LTBP2: variants seen among roughly 807,000 people sequenced by gnomAD.
The protein encoded by LTBP2 is latent-transforming growth factor beta-binding protein 2.
In LTBP2, 103 loss-of-function variants were observed where a neutral mutation model predicts 210.6. The ratio of observed to expected loss-of-function variants is 0.49; its 90% CI spans 0.42 to 0.58. The LOEUF (loss-of-function observed/expected upper bound fraction) is 0.58. LTBP2 is among the 20% of genes least tolerant of loss of function. The pLI is 0.00. For missense variants in LTBP2, 2,313 were observed against 2,494.5 expected, an observed-to-expected ratio of 0.93 and a Z score of 1.55; for synonymous variants, 1,007 against 1,015.0, an observed-to-expected ratio of 0.99 and a Z score of 0.15.
chr14:74,511,423 T>C, intron 18 of LTBP2, 59 bp from the exon 19 acceptor site: 1 of 1,608,150 alleles, frequency 6.2e-7, no homozygotes, highest in Non-Finnish European at 8.5e-7. Flanking sequence ...TGGGTAGGTC[T>C]GTGACACAGC....
chr14:74,525,146 C>A lies in LTBP2; in HGVS notation c.2508G>T (p.Val836=), dbSNP rs1160016147. Residue 836 remains valine (V), a synonymous_variant, in exon 15 of 36, where the codon GTG becomes GTT. Coordinates refer to ENST00000261978, the MANE Select transcript of LTBP2 (RefSeq NM_000428.3). ...QEEQVTPSTD[V]LVTLSTPGID... ...TACCTGGGGTGCTCAGGGTCACCAG[C>A]ACATCAGTGGAGGGGGTCACTTGTT... The A allele has an allele frequency of 7.5e-7, 1 of 1,333,064 alleles. No individual in the cohort carries two copies. The highest frequency in any genetic ancestry group is 9.7e-7 in the Non-Finnish European group (1 of 1,032,526). 82.6% of individuals were successfully genotyped at this position (1,333,064 alleles called of 1,614,324 possible).
intron 2 of LTBP2, among the ~76,000 whole-genome samples, chr14:74,592,577 AG>A (rs1281380028): frequency 6.6e-6 from 1 of 152,010 alleles, no homozygotes; most frequent in Non-Finnish European, 1.5e-5. Context: ...GCACACCTCT[AG>A]TCTTAGCTAC....
intron 28 of LTBP2, among the ~76,000 whole-genome samples, chr14:74,505,696 C>T (rs372738761): frequency 9.9e-5 from 15 of 152,224 alleles, no homozygotes; most frequent in Admixed American, 3.9e-4. Context: ...AGGGAGAGCC[C>T]GGTTTAGTTC....
chr14:74,611,513 G>A lies in LTBP2; in HGVS notation c.432C>T (p.Arg144=). The A allele has an allele frequency of 2.0e-6, 3 of 1,535,416 alleles. No homozygotes were observed. Among genetic ancestry groups the A allele is most frequent in the Non-Finnish European group, 2.6e-6 (3 of 1,151,104 alleles). ...CCCCAGACCGCTGTGGGGTCCCCAG[G>A]CGTGGGAGAGCCGGCGCGGCCCGGG... is the stretch of plus-strand genomic sequence containing the variant. The part of the protein sequence containing the change: ...PRTRAAPALP[R]LGTPQRSGAA... Residue 144 remains arginine (R), a synonymous_variant, in exon 1 of 36, where the codon CGC becomes CGT. Transcript: ENST00000261978.
intron 30 of LTBP2, 140 bp from the exon 31 acceptor site, chr14:74,504,194 G>T: frequency 2.0e-6 from 2 of 990,358 alleles, no homozygotes; most frequent in Non-Finnish European, 3.1e-6. Context: ...GCTTAAGTTC[G>T]CCTTGCCTCC....
Position 74,611,968 on chromosome 14 carries a change from TGC to T in LTBP2, c.-26_-25del. On this transcript the variant is annotated 5_prime_UTR_variant, in exon 1 of 36. Transcript: ENST00000261978. ...ATGGCGCGGGGCGGCTGGAGAGTGG[TGC>T]GCGCGGGCACCGCGAAGAGCTTTGT... The T allele has an allele frequency of 6.5e-7, 1 of 1,541,988 alleles. No homozygotes were observed. Among genetic ancestry groups the T allele is most frequent in the Non-Finnish European group, 8.7e-7 (1 of 1,152,176 alleles).
chr14:74,509,074 C>T (rs1271061689), intron 22 of LTBP2, 122 bp from the exon 23 acceptor site: 1 of 1,568,484 alleles, frequency 6.4e-7, no homozygotes, highest in East Asian at 2.2e-5. Context: ...GGGGGATCAT[C>T]CCCTCATGAG....
intron 18 of LTBP2, among the ~76,000 whole-genome samples, chr14:74,514,796 AAAG>A (rs1377463196): frequency 1.3e-5 from 2 of 152,140 alleles, no homozygotes; most frequent in Non-Finnish European, 2.9e-5. Context: ...TGAGTTGGAG[AAAG>A]AAGAAAGAGG....
At chr14:74,604,040 A>G (rs904265881) in intron 1 of LTBP2, among the ~76,000 whole-genome samples, 1 of 152,048 alleles carries the variant, frequency 6.6e-6, no homozygotes, top group Non-Finnish European at 1.5e-5. Context: ...TCCTAAAGCT[A>G]ATAAGCCACT....
Position 74,516,920 on chromosome 14 carries a change from G to A in LTBP2, c.2810C>T (p.Pro937Leu), listed in dbSNP as rs1413002474. 3 of 1,551,870 alleles carry A rather than the reference G, an allele frequency of 1.9e-6. No homozygotes were observed. Reference protein sequence around the residue: ...ECQDINECEQPGVCSGGQCTN... With the variant: ...ECQDINECEQLGVCSGGQCTN... Reference sequence around the variant, plus strand: ...GCACTGCCCCCCGCTGCACACCCCTGGCTGCTCACACTCATTGATATCTGT... The same window carrying A: ...GCACTGCCCCCCGCTGCACACCCCTAGCTGCTCACACTCATTGATATCTGT... The change falls in exon 18 of 36, where the codon CCA becomes CTA. Residue 937 changes from proline (P) to leucine (L), a missense_variant. Pro to Leu is a moderately conservative substitution (Grantham distance 98). This residue lies in a region of LTBP2 where 1,867 missense variants were observed against 1,976.9 expected (regional missense o/e 0.94). Coordinates refer to ENST00000261978, the MANE Select transcript of LTBP2 (RefSeq NM_000428.3).
chr14:74,553,071 A>G lies in LTBP2; in HGVS notation c.1022-9T>C. On this transcript the variant is annotated splice_polypyrimidine_tract_variant and intron_variant, in intron 4 of 35. Coordinates refer to ENST00000261978, the MANE Select transcript of LTBP2 (RefSeq NM_000428.3). ...CTCCGTGAGGTTCAGCCCTGCAGAG[A>G]GAGGGCTTGGGTCCAGGGGGCAGGG... The G allele has an allele frequency of 6.2e-7, 1 of 1,613,954 alleles. No homozygotes were observed. The highest frequency in any genetic ancestry group is 1.1e-5 in the South Asian group (1 of 91,036).
intron 30 of LTBP2, 117 bp downstream of exon 30, chr14:74,504,661 G>T: frequency 1.1e-6 from 1 of 949,092 alleles, no homozygotes; most frequent in Non-Finnish European, 1.7e-6. Context: ...GACAGAAAAG[G>T]TGGAGGCAAC....
In LTBP2 at chr14:74,503,522, G is replaced by A. The variant is rs758355867; in HGVS notation, c.4667C>T (p.Pro1556Leu). The change falls in exon 32 of 36, where the codon CCG becomes CTG. Residue 1556 changes from proline (P) to leucine (L), a missense_variant. By Grantham distance (98) the Pro-to-Leu change is moderately conservative. Transcript: ENST00000261978. ...EGSFHCFCSP[P>L]LTLDLSQQRC... ...CTGCTGGCTGAGGTCCAGGGTGAGC[G>A]GGGGGCTGCAGAAGCAGTGGAAGGA... The A allele has an allele frequency of 1.7e-5, 27 of 1,613,180 alleles. No homozygotes were observed. Among genetic ancestry groups the A allele is most frequent in the Middle Eastern group, 1.7e-4 (1 of 6,060 alleles).
intron 3 of LTBP2, among the ~76,000 whole-genome samples, chr14:74,580,136 G>A (rs960387936): frequency 9.2e-5 from 14 of 152,190 alleles, no homozygotes; most frequent in Non-Finnish European, 1.9e-4. Context: ...CAGGTGGGAG[G>A]TGGGGAGGAT....
intron 3 of LTBP2, among the ~76,000 whole-genome samples, chr14:74,579,401 G>A (rs941521405): frequency 6.6e-6 from 1 of 152,236 alleles, no homozygotes; most frequent in Non-Finnish European, 1.5e-5. Flanking sequence ...CTTGGGTGGA[G>A]GCAGGCAGCA....
intron 19 of LTBP2, among the ~76,000 whole-genome samples, chr14:74,510,857 G>A (rs1362425284): frequency 1.3e-5 from 2 of 152,264 alleles, no homozygotes; most frequent in African/African-American, 2.4e-5. Context: ...GCTGTGCGGT[G>A]GGCGTGCAGT....
chr14:74,552,906 G>T lies in LTBP2; in HGVS notation c.1178C>A (p.Ser393Tyr). 2 of 1,613,348 alleles carry T rather than the reference G, an allele frequency of 1.2e-6. No homozygotes were observed. Among genetic ancestry groups the T allele is most frequent in the Non-Finnish European group, 1.7e-6 (2 of 1,179,718 alleles). ...SQGGHGHDPK[S>Y]GFRIYFCQIP... is the part of the protein sequence containing the mutation. ...AAGGGACTCACAGATGCGGAAGCCA[G>T]ACTTGGGATCGTGCCCATGGCCGCC... is the stretch of plus-strand genomic sequence containing the variant. The change falls in exon 5 of 36, where the codon TCT becomes TAT. Residue 393 changes from serine (S) to tyrosine (Y), a missense_variant. Ser to Tyr is a moderately radical substitution (Grantham distance 144). Coordinates refer to ENST00000261978, the MANE Select transcript of LTBP2 (RefSeq NM_000428.3).
intron 15 of LTBP2, among the ~76,000 whole-genome samples, chr14:74,523,146 C>A (rs1284529068): frequency 6.6e-6 from 1 of 152,054 alleles, no homozygotes; most frequent in Non-Finnish European, 1.5e-5. Flanking sequence ...GTAGGGCATC[C>A]CCCTCACCGA....
intron 3 of LTBP2, among the ~76,000 whole-genome samples, chr14:74,556,578 G>A (rs1326943416): frequency 2.0e-5 from 3 of 152,292 alleles, no homozygotes; most frequent in Middle Eastern, 3.4e-3. Flanking sequence ...GTGCAATGGC[G>A]CGATCTCAGC....
Sources: gnomAD v4.1 joint callset for allele counts (sites outside exome capture counted in the v4.1 genomes callset) on GRCh38, gnomAD v4.1.1 for gene constraint, gnomAD v4.1.1 regional missense constraint, MANE v1.5 for transcripts, NCBI Gene and HGNC (gene_info 2026-07-23, HGNC 2026-07-21) for gene names.